PTPRG: variants seen among roughly 807,000 people sequenced by gnomAD.
PTPRG encodes receptor-type tyrosine-protein phosphatase gamma.
In PTPRG, 102 loss-of-function variants were observed where a neutral mutation model predicts 165.3. The ratio of observed to expected loss-of-function variants is 0.62; its 90% CI spans 0.53 to 0.73. The LOEUF (loss-of-function observed/expected upper bound fraction) is 0.73, where lower values mean the gene tolerates loss of function less well. Among genes scored for constraint, PTPRG ranks in the 30% least tolerant of loss-of-function variants. PTPRG has a pLI of 0.00. For synonymous variants in PTPRG, 675 were observed against 669.5 expected, an observed-to-expected ratio of 1.01 and a Z score of -0.13; for missense variants, 1,866 against 1,861.4, an observed-to-expected ratio of 1.00 and a Z score of -0.05.
At chr3:61,805,530 C>CAAAAAA (rs58646519) in intron 2 of PTPRG, among the ~76,000 whole-genome samples, 4 of 96,484 alleles carry the variant, frequency 4.1e-5, no homozygotes, top group Non-Finnish European at 9.2e-5. Flanking sequence ...ATGGGAAAGA[C>CAAAAAA]AAAAAAAAAA....
intron 1 of PTPRG, among the ~76,000 whole-genome samples, chr3:61,713,901 A>C (rs1192628746): frequency 6.6e-6 from 1 of 152,232 alleles, no homozygotes; most frequent in African/African-American, 2.4e-5. Flanking sequence ...AAAGGCATTA[A>C]AGCATTTGTT....
intron 8 of PTPRG, among the ~76,000 whole-genome samples, chr3:62,191,159 TGC>T (rs1293406358): frequency 1.3e-5 from 2 of 151,760 alleles, no homozygotes; most frequent in Non-Finnish European, 2.9e-5. Flanking sequence ...CACGTGTGTG[TGC>T]GCATGTGCCT....
At chr3:62,175,932 C>T (rs1559605554) in intron 8 of PTPRG, among the ~76,000 whole-genome samples, 1 of 152,150 alleles carries the variant, frequency 6.6e-6, no homozygotes, top group Non-Finnish European at 1.5e-5. Flanking sequence ...GAGAGAAGAG[C>T]TGGAGAAGCA....
chr3:61,563,147 TTTCGGCGGCCGGGGC>T (rs1559504284), intron 1 of PTPRG, among the ~76,000 whole-genome samples: 174 of 16,182 alleles, frequency 0.011, 1 homozygote, highest in African/African-American at 0.02. Flanking sequence ...GCGGGGGCGG[TTTCGGCGGCCGGGGC>T]GGTTTCGGCG....
intron 1 of PTPRG, among the ~76,000 whole-genome samples, chr3:61,688,458 A>G (rs1000307826): frequency 8.5e-5 from 13 of 152,058 alleles, no homozygotes; most frequent in African/African-American, 1.2e-4. Flanking sequence ...CCATCTTTCC[A>G]GAGACTCAGA....
chr3:61,568,488 AC>A (rs1699978233), intron 1 of PTPRG, among the ~76,000 whole-genome samples: 1 of 152,188 alleles, frequency 6.6e-6, no homozygotes, highest in South Asian at 2.1e-4. Flanking sequence ...GGACCATTTC[AC>A]CTGGTATCAT....
At chr3:61,945,482 C>G (rs1408457202) in intron 2 of PTPRG, among the ~76,000 whole-genome samples, 1 of 144,352 alleles carries the variant, frequency 6.9e-6, no homozygotes, top group African/African-American at 2.6e-5. Context: ...TTGCTTGAAC[C>G]CGGAAGGTGG....
At position 62,203,849 on chromosome 3, in the gene PTPRG, A is replaced by G. The variant is rs1323720931; in HGVS notation, c.2054A>G (p.Tyr685Cys). The change falls in exon 12 of 30, where the codon TAT (tyrosine) becomes TGT (cysteine). Residue 685 changes from tyrosine to cysteine, a missense_variant. Around this residue, in one of 3 missense-constraint regions of PTPRG, gnomAD observed 1,452 missense variants for 1,463.0 expected, o/e 0.99. Coordinates refer to ENST00000474889, the MANE Select transcript of PTPRG (RefSeq NM_002841.4). The surrounding 1 kb of genome is among the most constrained non-coding windows in gnomAD (Gnocchi z 6.4). ...QVPPTATEEQ[Y>C]AGSDPKRPEM... ...CCCCCCACCGCCACAGAGGAGCAGT[A>G]TGCAGGGAGTGATCCCAAGAGGCCC... The G allele has an allele frequency of 1.9e-6, 3 of 1,614,168 alleles. No homozygotes were observed. Among genetic ancestry groups the G allele is most frequent in the Non-Finnish European group, 2.5e-6 (3 of 1,180,022 alleles).
chr3:61,939,521 T>C (rs558545947), intron 2 of PTPRG, among the ~76,000 whole-genome samples: 4 of 152,284 alleles, frequency 2.6e-5, no homozygotes, highest in African/African-American at 9.6e-5. Context: ...ATAAGATTGT[T>C]TAAGGTTTAG....
At chr3:62,180,342 A>G (rs186851619) in intron 8 of PTPRG, among the ~76,000 whole-genome samples, 1 of 152,304 alleles carries the variant, frequency 6.6e-6, no homozygotes, top group East Asian at 1.9e-4. Context: ...AGGGGACTAC[A>G]ACATTGTCTC....
chr3:61,597,602 A>G (rs957941803), intron 1 of PTPRG, among the ~76,000 whole-genome samples: 3 of 152,076 alleles, frequency 2.0e-5, no homozygotes, highest in Admixed American at 6.5e-5. Flanking sequence ...ACCATGTAGG[A>G]TTTGGTTTTA....
rs574879983 is a variant in PTPRG at position 61,954,633 on chromosome 3, G to GC, written c.191-34990dup. On this transcript the variant is annotated intron_variant, in intron 2 of 29. Transcript: ENST00000474889. ...AGAGAGGAGGCTAGACTCAAGCGAA[G>GC]CCAGGGGGAGAATTTAAGGTGAAGA... Among the ~76,000 whole-genome samples, 72 of 152,328 alleles carry GC rather than the reference G, an allele frequency of 4.7e-4. 1 individual carries two copies. The East Asian group carries it at 6.8e-3, about 14-fold the overall frequency.
chr3:62,191,463 C>G lies in PTPRG; in HGVS notation c.1034-6C>G, dbSNP rs754096972. 2 of 1,612,820 alleles carry G rather than the reference C, an allele frequency of 1.2e-6. No homozygotes were observed. The highest frequency in any genetic ancestry group is 1.7e-6 in the Non-Finnish European group (2 of 1,179,662). On this transcript the variant is annotated splice_region_variant and splice_polypyrimidine_tract_variant and intron_variant, in intron 8 of 29. Transcript: ENST00000474889. The stretch of plus-strand genomic sequence containing the variant: ...GCTCCCTGAGCTGAGCCCTGTGTAT[C>G]TTCAGTTTGCAGCTCTCCACCCATC...
intron 5 of PTPRG, among the ~76,000 whole-genome samples, chr3:62,096,054 A>C (rs1702097328): frequency 6.6e-6 from 1 of 152,168 alleles, no homozygotes; most frequent in Admixed American, 6.5e-5. Context: ...TTTTGAGCAG[A>C]TAAGGAGCAC....
intron 5 of PTPRG, among the ~76,000 whole-genome samples, chr3:62,128,590 T>C (rs1703400543): frequency 6.6e-6 from 1 of 151,726 alleles, no homozygotes; most frequent in Non-Finnish European, 1.5e-5. Context: ...CTCAGCATTA[T>C]ACTCTAAACT....
intron 10 of PTPRG, among the ~76,000 whole-genome samples, chr3:62,196,134 C>T (rs1699956538): frequency 6.6e-6 from 1 of 151,906 alleles, no homozygotes; most frequent in Admixed American, 6.5e-5. Flanking sequence ...CGGTGGCTCA[C>T]ACCTGTTATC....
At chr3:61,903,241 C>T (rs1479265381) in intron 2 of PTPRG, among the ~76,000 whole-genome samples, 1 of 152,194 alleles carries the variant, frequency 6.6e-6, no homozygotes, top group Non-Finnish European at 1.5e-5. Context: ...CTCCTGATGC[C>T]TTACCTCGTC....
chr3:61,645,333 G>A (rs1054750981), intron 1 of PTPRG, among the ~76,000 whole-genome samples: 2 of 152,202 alleles, frequency 1.3e-5, no homozygotes, highest in African/African-American at 4.8e-5. Context: ...CCTGTTGTTT[G>A]GAACTCCTTT....
At chr3:62,215,940 G>A (rs1700491031) in intron 12 of PTPRG, among the ~76,000 whole-genome samples, 1 of 152,192 alleles carries the variant, frequency 6.6e-6, no homozygotes, top group Non-Finnish European at 1.5e-5. Flanking sequence ...GAAATATGCT[G>A]GGCGCGGTGG....
Sources: gnomAD v4.1 joint callset for allele counts (sites outside exome capture counted in the v4.1 genomes callset) on GRCh38, gnomAD v4.1.1 for gene constraint, gnomAD v4.1.1 regional missense constraint, Gnocchi (gnomAD v3.1) non-coding constraint, MANE v1.5 for transcripts, NCBI Gene and HGNC (gene_info 2026-07-23, HGNC 2026-07-21) for gene names.